Variants in ATRN observed in about 807,000 individuals in gnomAD.
ATRN encodes attractin-2.
In ATRN, 54 loss-of-function variants were observed where a neutral mutation model predicts 178.7. That is an observed-to-expected ratio of 0.30 (90% CI 0.24 to 0.38). The LOEUF is 0.38. Among genes scored for constraint, ATRN ranks in the 10% least tolerant of loss-of-function variants. The pLI, the probability that ATRN is intolerant of heterozygous loss-of-function variation, is 1.00. For synonymous variants in ATRN, 636 were observed against 663.0 expected, an observed-to-expected ratio of 0.96 and a Z score of 0.63; for missense variants, 1,443 against 1,815.1, an observed-to-expected ratio of 0.79 and a Z score of 3.73.
intron 1 of ATRN, among the ~76,000 whole-genome samples, chr20:3,507,694 A>AT (rs55823401): frequency 0.034 from 3,945 of 114,588 alleles, 99 homozygotes; most frequent in Non-Finnish European, 0.04. Flanking sequence ...AGTTAAAAAT[A>AT]TTTTTTTTTT....
chr20:3,492,853 A>AGG (rs2084816774), intron 1 of ATRN, among the ~76,000 whole-genome samples: 2 of 116,806 alleles, frequency 1.7e-5, no homozygotes, highest in African/African-American at 5.4e-5. Context: ...AGAGAGAGAG[A>AGG]GGCGCGCGCG....
At chr20:3,593,270 C>T (rs6051966) in intron 19 of ATRN, among the ~76,000 whole-genome samples, 8,281 of 152,128 alleles carry the variant, frequency 0.054, 696 homozygotes, top group African/African-American at 0.18. Flanking sequence ...TCCTAATCCA[C>T]GGTAGAAAGC....
chr20:3,492,047 A>C (rs2084801555), intron 1 of ATRN, among the ~76,000 whole-genome samples: 1 of 152,134 alleles, frequency 6.6e-6, no homozygotes, highest in South Asian at 2.1e-4. Flanking sequence ...CAGAGACCTG[A>C]TAGCCAACAG....
At chr20:3,617,987 G>C (rs118039735) in intron 24 of ATRN, among the ~76,000 whole-genome samples, 3,034 of 152,270 alleles carry the variant, frequency 0.02, 39 homozygotes, top group Non-Finnish European at 0.031. Flanking sequence ...CCTTCACCCC[G>C]ACGCACAGGT....
chr20:3,572,102 A>C (rs149112973), intron 11 of ATRN, among the ~76,000 whole-genome samples: 13 of 152,380 alleles, frequency 8.5e-5, no homozygotes, highest in Admixed American at 1.3e-4. Context: ...TTTACTGTGT[A>C]CTAAATGTAC....
chr20:3,564,282 A>C (rs138880291), intron 10 of ATRN, among the ~76,000 whole-genome samples: 1 of 152,352 alleles, frequency 6.6e-6, no homozygotes, highest in Non-Finnish European at 1.5e-5. Context: ...AGCACCTCTG[A>C]GTACCCTTTA....
At chr20:3,641,645 A>G (rs895945264) in intron 27 of ATRN, among the ~76,000 whole-genome samples, 1 of 151,594 alleles carries the variant, frequency 6.6e-6, no homozygotes, top group African/African-American at 2.4e-5. Flanking sequence ...AGGAATGACA[A>G]GCTGACCGCT....
intron 24 of ATRN, among the ~76,000 whole-genome samples, chr20:3,616,703 G>T (rs921239098): frequency 6.6e-6 from 1 of 152,118 alleles, no homozygotes; most frequent in African/African-American, 2.4e-5. Flanking sequence ...AGTCACCGAC[G>T]ATCAGTGTTT....
At chr20:3,581,410 T>A (rs143326158) in intron 15 of ATRN, among the ~76,000 whole-genome samples, 79 of 152,340 alleles carry the variant, frequency 5.2e-4, no homozygotes, top group Non-Finnish European at 9.1e-4. Flanking sequence ...GAAGACAGAC[T>A]GTCCCAGGTG....
intron 1 of ATRN, among the ~76,000 whole-genome samples, chr20:3,520,863 A>C (rs993058210): frequency 1.1e-4 from 17 of 152,356 alleles, no homozygotes; most frequent in African/African-American, 4.1e-4. Context: ...AATAAGCAAC[A>C]AACAAAATAT....
chr20:3,577,703 C>G (rs1297807484), intron 14 of ATRN, among the ~76,000 whole-genome samples: 1 of 152,090 alleles, frequency 6.6e-6, no homozygotes, highest in African/African-American at 2.4e-5. Flanking sequence ...CAGTGTGTCT[C>G]AAATTTTAAG....
At chr20:3,496,420 A>T (rs2084879793) in intron 1 of ATRN, among the ~76,000 whole-genome samples, 1 of 151,940 alleles carries the variant, frequency 6.6e-6, no homozygotes, top group Admixed American at 6.6e-5. Flanking sequence ...CCCAGTAGTC[A>T]TTCAGGAGCA....
At chr20:3,588,701 TA>T (rs2146267389) in intron 18 of ATRN, among the ~76,000 whole-genome samples, 1 of 152,236 alleles carries the variant, frequency 6.6e-6, no homozygotes, top group East Asian at 1.9e-4. Flanking sequence ...CCTCCTAGAG[TA>T]AGTTGGAACG....
At chr20:3,548,680 GT>G (rs2085743800) in intron 5 of ATRN, among the ~76,000 whole-genome samples, 1 of 151,896 alleles carries the variant, frequency 6.6e-6, no homozygotes, top group African/African-American at 2.4e-5. Context: ...TTTACATTGT[GT>G]TAAGTATTAT....
intron 4 of ATRN, among the ~76,000 whole-genome samples, chr20:3,546,815 A>G (rs1396643610): frequency 1.3e-5 from 2 of 152,178 alleles, no homozygotes; most frequent in Non-Finnish European, 2.9e-5. Flanking sequence ...ATTAAATACA[A>G]ATTTTCAGAG....
At chr20:3,586,958 G>A (rs2086365934) in intron 18 of ATRN, among the ~76,000 whole-genome samples, 1 of 152,168 alleles carries the variant, frequency 6.6e-6, no homozygotes, top group African/African-American at 2.4e-5. Context: ...GCATCTCACT[G>A]TTGTTTTCAT....
In ATRN at chr20:3,478,327, T is replaced by C. The variant is rs553977675; in HGVS notation, c.410+6810T>C. ...GATGGGCTATCCAGCCCATCAGTGA[T>C]AGACTGGATAAAGAAAATGTGGCAC... is the stretch of plus-strand genomic sequence containing the variant. On this transcript the variant is annotated intron_variant, in intron 1 of 28. Transcript: ENST00000262919. Among the ~76,000 whole-genome samples the C allele has an allele frequency of 1.6e-4, 24 of 152,202 alleles. No homozygotes were observed. The South Asian group carries it at 5.0e-3, about 32-fold the overall frequency.
Position 3,646,710 on chromosome 20 carries a change from T to G in ATRN, c.4166-13T>G. On this transcript the variant is annotated splice_polypyrimidine_tract_variant and intron_variant, in intron 28 of 28. Transcript: ENST00000262919. Reference sequence around the variant, plus strand: ...CTGCTCCCAGCATATGTTCTCTCTGTGGTTCTCCCAAGGTCTTGCTGTGGC... The same window carrying G: ...CTGCTCCCAGCATATGTTCTCTCTGGGGTTCTCCCAAGGTCTTGCTGTGGC... 6.3e-7 allele frequency: 1 copy of G among 1,591,962 alleles called. No individual in the cohort carries two copies. The highest frequency in any genetic ancestry group is 8.6e-7 in the Non-Finnish European group (1 of 1,168,240).
chr20:3,643,797 G>A (rs1386074243), intron 27 of ATRN, among the ~76,000 whole-genome samples: 1 of 152,180 alleles, frequency 6.6e-6, no homozygotes, highest in African/African-American at 2.4e-5. Context: ...AATCTACCAA[G>A]CACTCACCAC....
Sources: gnomAD v4.1 joint callset for allele counts (sites outside exome capture counted in the v4.1 genomes callset) on GRCh38, gnomAD v4.1.1 for gene constraint, MANE v1.5 for transcripts, NCBI Gene and HGNC (gene_info 2026-07-23, HGNC 2026-07-21) for gene names.